Variants in MELK observed in about 807,000 individuals in gnomAD.
MELK encodes pEg3 kinase.
A neutral mutation model predicts 85.0 loss-of-function variants in MELK; 81 were observed. That is an observed-to-expected ratio of 0.95 (90% CI 0.80 to 1.15). MELK has a LOEUF of 1.15. Ranked by LOEUF, MELK falls within the 50% of genes most tolerant of loss-of-function variation. The probability of loss-of-function intolerance (pLI) is 0.00; values close to 1 mark genes in which losing one functional copy is unlikely to be tolerated. For synonymous variants in MELK, 252 were observed against 265.0 expected (o/e 0.95, Z 0.48); for missense variants, 754 against 777.5 (o/e 0.97, Z 0.36).
chr9:36,670,738 AAAAAAGGATATATATATCCTTTTTT>A lies in MELK; in HGVS notation c.1506-251_1506-227del, dbSNP rs149162599. ...TTCTTTGAACTTTTCTATATATATG[AAAAAAGGATATATATATCCTTTTTT>A]AAAAAGGAAGGGGATAAATAGTTTT... On this transcript the variant is annotated intron_variant, in intron 15 of 17. Coordinates refer to ENST00000298048, the MANE Select transcript of MELK (RefSeq NM_014791.4). 2.6e-3 allele frequency among the ~76,000 whole-genome samples: 391 copies of A among 151,986 alleles called. 4 individuals are homozygous for A. The highest frequency in any genetic ancestry group is 5.6e-3 in the South Asian group (27 of 4,826).
intron 10 of MELK, among the ~76,000 whole-genome samples, chr9:36,639,909 T>G (rs1253855387): frequency 6.6e-6 from 1 of 152,230 alleles, no homozygotes; most frequent in Non-Finnish European, 1.5e-5. Flanking sequence ...AAATTTATTT[T>G]CTTGCTTGAG....
intron 15 of MELK, 28 bp downstream of exon 15, chr9:36,669,434 A>G: frequency 1.4e-6 from 2 of 1,460,170 alleles, no homozygotes; most frequent in Non-Finnish European, 1.9e-6. Context: ...TTAGACTCTA[A>G]TCTTTAGTAT....
chr9:36,610,868 C>CT (rs1364573599), intron 8 of MELK, among the ~76,000 whole-genome samples: 1 of 152,132 alleles, frequency 6.6e-6, no homozygotes, highest in Admixed American at 6.5e-5. Flanking sequence ...CTTTTTGCTA[C>CT]TTTTTTCTGT....
rs762236108 is a variant in MELK, at chr9:36,657,365, T to C, written c.1176+2T>C. On this transcript the variant is annotated splice_donor_variant, in intron 13 of 17. Coordinates refer to ENST00000298048, the MANE Select transcript of MELK (RefSeq NM_014791.4). LOFTEE classifies it high-confidence loss of function. The stretch of plus-strand genomic sequence containing the variant: ...GCTGCTACTCCCCGAACATCACAGG[T>C]TCGTCATTCTTATTACTATTTAAGG... 1.9e-6 allele frequency: 3 copies of C among 1,601,226 alleles called. No homozygotes were observed. The highest frequency in any genetic ancestry group is 1.7e-4 in the Middle Eastern group (1 of 6,000).
At chr9:36,579,726 A>G (rs1221901822) in intron 1 of MELK, among the ~76,000 whole-genome samples, 1 of 152,220 alleles carries the variant, frequency 6.6e-6, no homozygotes, top group Non-Finnish European at 1.5e-5. Context: ...TATTTTCCAC[A>G]AGTAAGATGG....
intron 8 of MELK, among the ~76,000 whole-genome samples, chr9:36,608,668 G>T (rs536737848): frequency 6.6e-6 from 1 of 151,736 alleles, no homozygotes; most frequent in East Asian, 1.9e-4. Context: ...CGCAACCTCT[G>T]CTTCCCAGGT....
In MELK at chr9:36,657,843, A is replaced by G. The variant is rs145437277; in HGVS notation, c.1176+480A>G. On this transcript the variant is annotated intron_variant, in intron 13 of 17. Coordinates refer to ENST00000298048, the MANE Select transcript of MELK (RefSeq NM_014791.4). ...GGTGATCCACCCACCTCAGCCTTCCAAAGTGCTGGGATTACAGGCGTGAGC... is the reference window on the plus strand; with the variant it reads ...GGTGATCCACCCACCTCAGCCTTCCGAAGTGCTGGGATTACAGGCGTGAGC... 4.7e-4 allele frequency among the ~76,000 whole-genome samples: 72 copies of G among 152,286 alleles called. 1 individual carries two copies. In the East Asian group the frequency reaches 0.014, roughly 29 times the overall value.
At chr9:36,662,599 ATC>A (rs1233885982) in intron 13 of MELK, among the ~76,000 whole-genome samples, 1 of 152,184 alleles carries the variant, frequency 6.6e-6, no homozygotes, top group African/African-American at 2.4e-5. Flanking sequence ...AGAACACTTA[ATC>A]TCTGATTACC....
At chr9:36,615,391 G>T (rs1216251977) in intron 8 of MELK, among the ~76,000 whole-genome samples, 2 of 137,990 alleles carry the variant, frequency 1.4e-5, no homozygotes, top group African/African-American at 5.8e-5. Context: ...GCCGGGCGGG[G>T]GGCTGACCCC....
In MELK at chr9:36,597,227, T is replaced by A. The variant is rs768271265; in HGVS notation, c.411T>A (p.Asn137Lys). The A allele has an allele frequency of 1.2e-6, 2 of 1,612,914 alleles. No individual in the cohort carries two copies. The highest frequency in any genetic ancestry group is 2.7e-5 in the African/African-American group (2 of 74,900). The part of the protein sequence containing the change: ...GYAHRDLKPE[N>K]LLFDEYHKLK... ...AAATATCTTTGTTTTCCCAGGAAAATTTGCTGTTTGATGAATATCATAAAT... is the reference window on the plus strand; with the variant it reads ...AAATATCTTTGTTTTCCCAGGAAAAATTGCTGTTTGATGAATATCATAAAT... Residue 137 changes from asparagine to lysine, a missense_variant, in exon 6 of 18, where the codon AAT becomes AAA. Asn to Lys is a moderately conservative substitution (Grantham distance 94, BLOSUM62 0). Transcript: ENST00000298048.
chr9:36,580,236 G>C (rs1822082868), intron 1 of MELK, among the ~76,000 whole-genome samples: 1 of 151,718 alleles, frequency 6.6e-6, no homozygotes, highest in East Asian at 1.9e-4. Context: ...TATGATGTTA[G>C]CCACAATGGT....
intron 8 of MELK, among the ~76,000 whole-genome samples, chr9:36,624,860 G>T (rs1827787769): frequency 6.6e-6 from 1 of 152,074 alleles, no homozygotes; most frequent in African/African-American, 2.4e-5. Flanking sequence ...CTGGTTATGG[G>T]CCTGTTATTT....
At chr9:36,655,515 T>G (rs1831161998) in intron 12 of MELK, among the ~76,000 whole-genome samples, 1 of 151,548 alleles carries the variant, frequency 6.6e-6, no homozygotes, top group South Asian at 2.1e-4. Context: ...AAGAGCCAGA[T>G]AGTAGAGAAC....
At chr9:36,615,721 G>A (rs1397909718) in intron 8 of MELK, among the ~76,000 whole-genome samples, 63 of 148,020 alleles carry the variant, frequency 4.3e-4, no homozygotes, top group African/African-American at 1.6e-3. Context: ...CAGATGGGGC[G>A]GCGGGGCAGA....
intron 8 of MELK, among the ~76,000 whole-genome samples, chr9:36,615,725 G>A (rs1222357228): frequency 1.4e-5 from 2 of 147,894 alleles, no homozygotes; most frequent in Admixed American, 6.6e-5. Flanking sequence ...TGGGGCGGCG[G>A]GGCAGAGGCG....
chr9:36,632,172 T>C (rs1828703282), intron 9 of MELK, among the ~76,000 whole-genome samples: 2 of 152,314 alleles, frequency 1.3e-5, no homozygotes, highest in Middle Eastern at 3.4e-3. Context: ...GACTGAAATT[T>C]TGCATTTCTA....
chr9:36,576,479 C>T (rs7043983), intron 1 of MELK, among the ~76,000 whole-genome samples: 34,342 of 151,870 alleles, frequency 0.23, 6,318 homozygotes, highest in African/African-American at 0.51. Flanking sequence ...TCTTGAGTGT[C>T]GATATTTTTC....
At chr9:36,657,730 G>A (rs1362178028) in intron 13 of MELK, among the ~76,000 whole-genome samples, 2 of 152,110 alleles carry the variant, frequency 1.3e-5, no homozygotes, top group Non-Finnish European at 2.9e-5. Flanking sequence ...GATTACAGGT[G>A]CCTGCTGCCT....
chr9:36,650,626 A>G lies in MELK; in HGVS notation c.922-1120A>G, dbSNP rs185277589. On this transcript the variant is annotated intron_variant, in intron 11 of 17. Coordinates refer to ENST00000298048, the MANE Select transcript of MELK (RefSeq NM_014791.4). The stretch of plus-strand genomic sequence containing the variant: ...GAATGTAGTCACTTATCAGACATGC[A>G]AGATCTCAAAAAATTTACTTCCCAT... Among the ~76,000 whole-genome samples the G allele has an allele frequency of 1.8e-4, 27 of 152,348 alleles. No homozygotes were observed. The East Asian group carries it at 4.8e-3, about 27-fold the overall frequency.
Sources: gnomAD v4.1 joint callset for allele counts (sites outside exome capture counted in the v4.1 genomes callset) on GRCh38, gnomAD v4.1.1 for gene constraint, MANE v1.5 for transcripts, NCBI Gene and HGNC (gene_info 2026-07-23, HGNC 2026-07-21) for gene names.